The following EFR3A variants were observed in gnomAD, a reference collection of about 807,000 sequenced individuals.
The protein encoded by EFR3A is EFR3 homolog A.
Under a neutral mutation model 104.4 loss-of-function variants are expected in EFR3A, and 76 were observed. The ratio of observed to expected loss-of-function variants is 0.73; its 90% CI spans 0.60 to 0.88. EFR3A has a LOEUF of 0.88. EFR3A is among the 40% of genes least tolerant of loss of function. The pLI is 0.00. For synonymous variants in EFR3A, 330 were observed against 330.0 expected, an observed-to-expected ratio of 1.00 and a Z score of 0.00; for missense variants, 985 against 1,012.5, an observed-to-expected ratio of 0.97 and a Z score of 0.37.
chr8:131,986,346 C>A lies in EFR3A; in HGVS notation c.1937+85C>A, dbSNP rs570347958. ...AATTATAAAGGAGTAAATATTGTTACAATAATTCCTGGTGCTTTATACTAA... is the reference window on the plus strand; with the variant it reads ...AATTATAAAGGAGTAAATATTGTTAAAATAATTCCTGGTGCTTTATACTAA... On this transcript the variant is annotated intron_variant, in intron 17 of 22. Coordinates refer to ENST00000254624, the MANE Select transcript of EFR3A (RefSeq NM_015137.6). 2.9e-5 allele frequency: 18 copies of A among 626,636 alleles called. No homozygotes were observed. The East Asian group carries it at 5.1e-4, about 18-fold the overall frequency. 38.8% of individuals were successfully genotyped at this position (626,636 alleles called of 1,614,324 possible).
chr8:131,904,551 G>A (rs866088065), intron 1 of EFR3A, among the ~76,000 whole-genome samples: 2 of 152,280 alleles, frequency 1.3e-5, no homozygotes, highest in East Asian at 1.9e-4. Flanking sequence ...GAACTGCGGG[G>A]ACGCGCTGTT....
chr8:131,979,176 T>C (rs758919071), intron 13 of EFR3A, among the ~76,000 whole-genome samples, 157 bp downstream of exon 13: 10 of 152,194 alleles, frequency 6.6e-5, no homozygotes, highest in Non-Finnish European at 1.3e-4. Context: ...CAATATGTTT[T>C]AAGATAACAA....
intron 19 of EFR3A, among the ~76,000 whole-genome samples, chr8:131,999,383 G>C (rs1047073125): frequency 6.6e-6 from 1 of 152,160 alleles, no homozygotes; most frequent in African/African-American, 2.4e-5. Flanking sequence ...ATTAGTAGTA[G>C]TGACATAGCA....
chr8:132,009,031 TACTGGA>T (rs1308437922), intron 22 of EFR3A, among the ~76,000 whole-genome samples: 3 of 151,910 alleles, frequency 2.0e-5, no homozygotes, highest in Non-Finnish European at 4.4e-5. Context: ...GTATTGTAAA[TACTGGA>T]ACAATTGCAA....
chr8:131,998,412 GC>G (rs1269240321), intron 19 of EFR3A, among the ~76,000 whole-genome samples: 64 of 151,448 alleles, frequency 4.2e-4, no homozygotes, highest in East Asian at 1.9e-4. Context: ...ATTTGCTTTT[GC>G]TTTTTAAACT....
chr8:132,002,519 A>G (rs1442606354), intron 20 of EFR3A, 84 bp from the exon 21 acceptor site: 8 of 1,070,332 alleles, frequency 7.5e-6, no homozygotes, highest in Admixed American at 2.6e-5. Context: ...TTTGGATGAT[A>G]TATCATTAAC....
At chr8:131,967,224 A>T (rs563063791) in intron 8 of EFR3A, among the ~76,000 whole-genome samples, 1 of 152,214 alleles carries the variant, frequency 6.6e-6, no homozygotes, top group African/African-American at 2.4e-5. Context: ...ACACAAACTT[A>T]GTTTTTACCT....
At chr8:131,939,496 G>T (rs139607756) in intron 1 of EFR3A, among the ~76,000 whole-genome samples, 1 of 152,244 alleles carries the variant, frequency 6.6e-6, no homozygotes, top group East Asian at 1.9e-4. Flanking sequence ...TATAACATCA[G>T]AAATGTTAAT....
chr8:131,940,543 C>T lies in EFR3A; in HGVS notation c.55C>T (p.Leu19=). ...CGCTTTGCGTCCTCGCTACAAACGC[C>T]TGGTGGACAACATATTCCCTGAAGA... The part of the protein sequence containing the change: ...CSALRPRYKR[L]VDNIFPEDPK... The change falls in exon 2 of 23, where the codon CTG becomes TTG. Residue 19 remains leucine (L), a synonymous_variant. Coordinates refer to ENST00000254624, the MANE Select transcript of EFR3A (RefSeq NM_015137.6). The T allele has an allele frequency of 6.2e-7, 1 of 1,609,076 alleles. No homozygotes were observed. Among genetic ancestry groups the T allele is most frequent in the Non-Finnish European group, 8.5e-7 (1 of 1,177,844 alleles).
intron 2 of EFR3A, among the ~76,000 whole-genome samples, chr8:131,942,570 G>A (rs1818215309): frequency 6.6e-6 from 1 of 152,096 alleles, no homozygotes; most frequent in Non-Finnish European, 1.5e-5. Context: ...AGTTAATGCA[G>A]CTCTTTACTC....
chr8:132,013,187 A>G lies in EFR3A; in HGVS notation c.*2292A>G, dbSNP rs1336732189. 3 of 152,326 alleles carry G rather than the reference A, an allele frequency of 2.0e-5. No homozygotes were observed. Among genetic ancestry groups the G allele is most frequent in the African/African-American group, 7.2e-5 (3 of 41,430 alleles). 9.4% of individuals were successfully genotyped at this position (152,326 alleles called of 1,614,324 possible). ...ATAAATAAAACTCAATAAATTGTTA[A>G]TCATTCTCTTTTTGCTGTATAGAAT... is the stretch of plus-strand genomic sequence containing the variant. On this transcript the variant is annotated 3_prime_UTR_variant, in exon 23 of 23. Transcript: ENST00000254624.
chr8:131,950,656 T>A (rs968251832), intron 5 of EFR3A, among the ~76,000 whole-genome samples: 1 of 152,102 alleles, frequency 6.6e-6, no homozygotes, highest in African/African-American at 2.4e-5. Flanking sequence ...TCCAGGAGCG[T>A]GAGGACTTTG....
intron 17 of EFR3A, 123 bp downstream of exon 17, chr8:131,986,384 G>A: frequency 2.1e-6 from 1 of 476,964 alleles, no homozygotes; most frequent in Non-Finnish European, 3.6e-6. Flanking sequence ...ATCATTTTGT[G>A]TCTGTCATTT....
At chr8:132,010,758 C>T in intron 22 of EFR3A, 32 bp from the exon 23 acceptor site, 1 of 1,606,972 alleles carries the variant, frequency 6.2e-7, no homozygotes, top group Non-Finnish European at 8.5e-7. Context: ...TGTAAGTACA[C>T]CTGCTGACAA....
chr8:131,996,850 AT>A (rs1821521465), intron 19 of EFR3A, among the ~76,000 whole-genome samples: 1 of 152,126 alleles, frequency 6.6e-6, no homozygotes, highest in African/African-American at 2.4e-5. Flanking sequence ...GGTCCTACTT[AT>A]TTTTAAAAAT....
At chr8:132,007,245 GAA>G (rs898534281) in intron 22 of EFR3A, among the ~76,000 whole-genome samples, 1 of 151,200 alleles carries the variant, frequency 6.6e-6, no homozygotes, top group African/African-American at 2.4e-5. Flanking sequence ...AAGTAATCAA[GAA>G]AAAAAACCCT....
At chr8:131,917,882 T>C (rs1213328410) in intron 1 of EFR3A, among the ~76,000 whole-genome samples, 2 of 152,228 alleles carry the variant, frequency 1.3e-5, no homozygotes, top group African/African-American at 4.8e-5. Flanking sequence ...TTTTGGTTTA[T>C]GAGCCATTTA....
At chr8:131,984,377 C>A in intron 15 of EFR3A, 77 bp downstream of exon 15, 4 of 1,347,536 alleles carry the variant, frequency 3.0e-6, no homozygotes, top group Non-Finnish European at 3.9e-6. Context: ...TGCCGTTATC[C>A]AAGGACATGA....
chr8:131,948,701 A>G (rs1384008155), intron 4 of EFR3A, among the ~76,000 whole-genome samples: 7 of 152,132 alleles, frequency 4.6e-5, no homozygotes, highest in Admixed American at 4.6e-4. Context: ...TTAGTGAGTC[A>G]TTTGGGCAAA....
Sources: gnomAD v4.1 joint callset for allele counts (sites outside exome capture counted in the v4.1 genomes callset) on GRCh38, gnomAD v4.1.1 for gene constraint, MANE v1.5 for transcripts, NCBI Gene and HGNC (gene_info 2026-07-23, HGNC 2026-07-21) for gene names.